Variants in SLC16A9 observed in about 807,000 individuals in gnomAD.
The protein encoded by SLC16A9 is monocarboxylate transporter 9.
In SLC16A9, 26 loss-of-function variants were observed where a neutral mutation model predicts 44.3. That is an observed-to-expected ratio of 0.59 (90% CI 0.43 to 0.81). SLC16A9 has a LOEUF of 0.81. SLC16A9 is among the 40% of genes least tolerant of loss of function. The probability of loss-of-function intolerance (pLI) is 0.00; values close to 1 mark genes in which losing one functional copy is unlikely to be tolerated. For missense variants in SLC16A9, 559 were observed against 595.8 expected, an observed-to-expected ratio of 0.94 and a Z score of 0.64; for synonymous variants, 230 against 225.1, an observed-to-expected ratio of 1.02 and a Z score of -0.19.
At chr10:59,698,037 G>GT (rs146740187) in intron 1 of SLC16A9, among the ~76,000 whole-genome samples, 2,304 of 151,708 alleles carry the variant, frequency 0.015, 66 homozygotes, top group African/African-American at 0.053. Context: ...CAACCTTAGG[G>GT]TTTTTTTCTG....
At position 59,683,443 on chromosome 10, in the gene SLC16A9, GAC is replaced by G. The variant is rs1840066190; in HGVS notation, c.196+651_196+652del. 2.0e-5 allele frequency among the ~76,000 whole-genome samples: 3 copies of G among 152,246 alleles called. No homozygotes were observed. In the East Asian group the frequency reaches 5.8e-4, roughly 29 times the overall value. On this transcript the variant is annotated intron_variant, in intron 2 of 5. Coordinates refer to ENST00000395348, the MANE Select transcript of SLC16A9 (RefSeq NM_194298.3). ...GTTCATCAAGAATATCACTTTTGGA[GAC>G]ACACAAAATATATCACATATGTCTT...
Position 59,703,725 on chromosome 10 carries a change from C to CT in SLC16A9, c.-37+5753_-37+5754insA, listed in dbSNP as rs1491211418. Among the ~76,000 whole-genome samples, 46 of 146,014 alleles carry CT rather than the reference C, an allele frequency of 3.2e-4. 1 individual carries two copies. The highest frequency in any genetic ancestry group is 2.4e-3 in the South Asian group (11 of 4,518). ...GAATGAATTGCTGATTTTTTTTTTT[C>CT]GTTTTTTTTTTGAGACGAAGTCTTG... On this transcript the variant is annotated intron_variant, in intron 1 of 5. Coordinates refer to ENST00000395348, the MANE Select transcript of SLC16A9 (RefSeq NM_194298.3).
At chr10:59,673,395 G>T (rs1164988666) in intron 2 of SLC16A9, among the ~76,000 whole-genome samples, 1 of 152,172 alleles carries the variant, frequency 6.6e-6, no homozygotes, top group African/African-American at 2.4e-5. Context: ...TCATGTAACA[G>T]AATTTAAGTG....
chr10:59,701,035 A>G (rs914908123), intron 1 of SLC16A9, among the ~76,000 whole-genome samples: 6 of 151,924 alleles, frequency 3.9e-5, no homozygotes, highest in African/African-American at 1.5e-4. Flanking sequence ...ATTTTTCACC[A>G]TTTTCCATGT....
intron 1 of SLC16A9, among the ~76,000 whole-genome samples, chr10:59,696,173 G>T (rs907125468): frequency 2.6e-5 from 4 of 152,106 alleles, no homozygotes; most frequent in Non-Finnish European, 4.4e-5. Flanking sequence ...GGACTGTGCT[G>T]CTGCCATCTT....
Position 59,672,875 on chromosome 10 carries a change from T to C in SLC16A9, c.235A>G (p.Arg79Gly), listed in dbSNP as rs1564701961. Residue 79 changes from arginine to glycine, a missense_variant, in exon 3 of 6, where the codon AGA becomes GGA. Transcript: ENST00000395348. ...AAGCCACTGAAGATTGTGACAGGTC[T>C]TGCTCCAAAAGATGAGACACAGAGA... ...CSLCVSSFGA[R>G]PVTIFSGFMV... 6.2e-7 allele frequency: 1 copy of C among 1,613,636 alleles called. No homozygotes were observed. Among genetic ancestry groups the C allele is most frequent in the South Asian group, 1.1e-5 (1 of 90,992 alleles).
intron 2 of SLC16A9, among the ~76,000 whole-genome samples, chr10:59,677,883 T>A (rs1308092871): frequency 1.3e-5 from 2 of 152,070 alleles, no homozygotes; most frequent in African/African-American, 4.8e-5. Context: ...TATTATTATT[T>A]TTTTAATTTA....
chr10:59,684,885 T>C (rs1370975251), intron 1 of SLC16A9, among the ~76,000 whole-genome samples: 1 of 152,132 alleles, frequency 6.6e-6, no homozygotes, highest in Non-Finnish European at 1.5e-5. Flanking sequence ...ATGCACTGGA[T>C]GTGGCTACCC....
chr10:59,660,742 C>T (rs117097631), intron 4 of SLC16A9, among the ~76,000 whole-genome samples: 5,011 of 152,212 alleles, frequency 0.033, 121 homozygotes, highest in South Asian at 0.071. Context: ...AACATTGATA[C>T]GAATTTCCTC....
chr10:59,662,954 C>T (rs1384069210), intron 4 of SLC16A9, among the ~76,000 whole-genome samples: 2 of 152,160 alleles, frequency 1.3e-5, no homozygotes, highest in African/African-American at 4.8e-5. Context: ...GATTATAAAT[C>T]ATTCTACTAT....
At chr10:59,668,926 T>C (rs1252972900) in intron 3 of SLC16A9, among the ~76,000 whole-genome samples, 2 of 152,140 alleles carry the variant, frequency 1.3e-5, no homozygotes, top group African/African-American at 4.8e-5. Context: ...ATACAGGAAA[T>C]GCTCTTTATC....
chr10:59,653,466 C>T (rs1199750661), intron 5 of SLC16A9, among the ~76,000 whole-genome samples: 2 of 133,698 alleles, frequency 1.5e-5, no homozygotes, highest in African/African-American at 5.4e-5. Context: ...TGAGTTTCTC[C>T]CAAATAAAGA....
At chr10:59,708,001 A>T (rs1378860984) in intron 1 of SLC16A9, among the ~76,000 whole-genome samples, 1 of 152,200 alleles carries the variant, frequency 6.6e-6, no homozygotes, top group Non-Finnish European at 1.5e-5. Flanking sequence ...GATACCTGTT[A>T]TTCCACTTGC....
At chr10:59,697,962 T>TAAAAAAAAAAAAAAA (rs34931109) in intron 1 of SLC16A9, among the ~76,000 whole-genome samples, 2 of 136,100 alleles carry the variant, frequency 1.5e-5, no homozygotes, top group African/African-American at 5.3e-5. Context: ...GGGCACACAG[T>TAAAAAAAAAAAAAAA]AAAAAAAAAA....
intron 1 of SLC16A9, 83 bp from the exon 2 acceptor site, chr10:59,684,410 AGT>A: frequency 1.6e-6 from 1 of 615,206 alleles, no homozygotes; most frequent in Non-Finnish European, 2.6e-6. Flanking sequence ...CTCCTCCTAA[AGT>A]GAAAAAAAAA....
intron 1 of SLC16A9, among the ~76,000 whole-genome samples, chr10:59,688,107 G>A (rs149587077): frequency 6.6e-6 from 1 of 152,222 alleles, no homozygotes; most frequent in African/African-American, 2.4e-5. Flanking sequence ...TACCTTCCAT[G>A]TCTCTTCACT....
In SLC16A9 at chr10:59,660,174, G is replaced by C. The variant is rs192879762; in HGVS notation, c.436+4053C>G. On this transcript the variant is annotated intron_variant, in intron 4 of 5. Coordinates refer to ENST00000395348, the MANE Select transcript of SLC16A9 (RefSeq NM_194298.3). ...TCAGAGCAGAACTGAAGGAGATAGA[G>C]ACATGAAAAATCCTTCAAAAAAATG... Among the ~76,000 whole-genome samples, 755 of 152,188 alleles carry C rather than the reference G, an allele frequency of 5.0e-3. 2 individuals carry two copies. Among genetic ancestry groups the C allele is most frequent in the Non-Finnish European group, 7.8e-3 (529 of 68,006 alleles).
chr10:59,673,688 A>G (rs887632695), intron 2 of SLC16A9, among the ~76,000 whole-genome samples: 1 of 152,220 alleles, frequency 6.6e-6, no homozygotes. Flanking sequence ...GTTAGCAAGA[A>G]AGCGGTAGGA....
intron 4 of SLC16A9, among the ~76,000 whole-genome samples, chr10:59,656,521 A>G (rs1328230746): frequency 6.6e-6 from 1 of 152,232 alleles, no homozygotes; most frequent in African/African-American, 2.4e-5. Flanking sequence ...ATCAAATTAC[A>G]CATTGGAGGC....
Sources: allele counts gnomAD v4.1 joint callset (sites outside exome capture counted in the v4.1 genomes callset), GRCh38; gene constraint gnomAD v4.1.1; transcripts MANE v1.5; gene names NCBI Gene and HGNC (gene_info 2026-07-23, HGNC 2026-07-21).